Variants in ACOT11 observed in about 807,000 individuals in gnomAD.
ACOT11 encodes acyl-CoA thioesterase 11, also known as acyl-coenzyme A thioesterase 11.
ACOT11 carries 69 observed loss-of-function variants against 77.5 expected under a neutral mutation model. The observed-to-expected ratio is 0.89, with a 90% CI of 0.73 to 1.09. ACOT11 has a LOEUF of 1.09. Ranked by LOEUF, ACOT11 falls within the 50% of genes least tolerant of loss-of-function variation. The pLI is 0.00. For synonymous variants in ACOT11, 279 were observed against 313.0 expected (o/e 0.89, Z 1.15); for missense variants, 766 against 813.7 (o/e 0.94, Z 0.71).
In ACOT11 at chr1:54,635,532, A is replaced by G. The variant is rs575136391; in HGVS notation, c.*803A>G. On this transcript the variant is annotated 3_prime_UTR_variant, in exon 17 of 17. Coordinates refer to the ACOT11 transcript ENST00000371316. Reference sequence around the variant, plus strand: ...ACACTCTACAAACTTGTTTTTGGATATAGCAAAATTAAAAGAACAAATATG... The same window carrying G: ...ACACTCTACAAACTTGTTTTTGGATGTAGCAAAATTAAAAGAACAAATATG... The G allele has an allele frequency of 2.6e-5, 5 of 193,718 alleles. No individual in the cohort carries two copies. The South Asian group carries it at 4.2e-4, about 16-fold the overall frequency. 12.0% of individuals were successfully genotyped at this position (193,718 alleles called of 1,614,324 possible).
At chr1:54,554,810 G>A (rs1454626659) in intron 1 of ACOT11, among the ~76,000 whole-genome samples, 1 of 152,134 alleles carries the variant, frequency 6.6e-6, no homozygotes, top group African/African-American at 2.4e-5. Context: ...GGGACTGCTG[G>A]ATCATATGGT....
intron 3 of ACOT11, among the ~76,000 whole-genome samples, chr1:54,586,758 A>G (rs1654516528): frequency 6.6e-6 from 1 of 151,848 alleles, no homozygotes; most frequent in African/African-American, 2.4e-5. Context: ...CTTTCTTTTA[A>G]TGGCTGTACA....
chr1:54,553,867 C>A (rs1653157063), intron 1 of ACOT11, among the ~76,000 whole-genome samples: 1 of 152,062 alleles, frequency 6.6e-6, no homozygotes, highest in African/African-American at 2.4e-5. Context: ...CTGTGCCTGG[C>A]CCTTATTTCA....
In ACOT11 at chr1:54,557,947, A is replaced by G. The variant is rs369111729; in HGVS notation, c.33+9605A>G. ...TGGTAAAAGTGGGCATCTTTGTTTT[A>G]TCCCACATTTTAGATGAAAAGCTTT... is the stretch of plus-strand genomic sequence containing the variant. On this transcript the variant is annotated intron_variant, in intron 1 of 15. Coordinates refer to ENST00000343744, the MANE Select transcript of ACOT11 (RefSeq NM_147161.4). Among the ~76,000 whole-genome samples the G allele has an allele frequency of 2.2e-4, 34 of 152,276 alleles. No homozygotes were observed. The South Asian group carries it at 2.9e-3, about 13-fold the overall frequency.
At position 54,609,421 on chromosome 1, in the gene ACOT11, G is replaced by A; in HGVS notation, c.*309G>A. The A allele has an allele frequency of 1.2e-6, 2 of 1,613,952 alleles. No homozygotes were observed. The highest frequency in any genetic ancestry group is 1.7e-6 in the Non-Finnish European group (2 of 1,180,022). ...CTGGGTTGTGCTCCACTGTGACGGTGGCCCGGGGGGAGGATGCCAGCAGCC... is the reference window on the plus strand; with the variant it reads ...CTGGGTTGTGCTCCACTGTGACGGTAGCCCGGGGGGAGGATGCCAGCAGCC... On this transcript the variant is annotated 3_prime_UTR_variant, in exon 16 of 16. Coordinates refer to ENST00000343744, the MANE Select transcript of ACOT11 (RefSeq NM_147161.4).
intron 1 of ACOT11, among the ~76,000 whole-genome samples, chr1:54,562,064 G>C (rs1458283759): frequency 4.3e-4 from 29 of 67,388 alleles, no homozygotes; most frequent in Middle Eastern, 0.012. Flanking sequence ...CCTCCCTCCC[G>C]GACAGGGCGG....
chr1:54,595,278 G>A (rs895540433), intron 6 of ACOT11, among the ~76,000 whole-genome samples: 1 of 150,394 alleles, frequency 6.6e-6, no homozygotes, highest in Non-Finnish European at 1.5e-5. Context: ...CCTGGGAGGC[G>A]GAGATTGCAG....
At chr1:54,581,277 G>A (rs1368865081) in intron 1 of ACOT11, among the ~76,000 whole-genome samples, 1 of 152,212 alleles carries the variant, frequency 6.6e-6, no homozygotes, top group African/African-American at 2.4e-5. Context: ...TTGGATACTG[G>A]GCAGAGGGAG....
chr1:54,599,670 C>T (rs537702730), intron 8 of ACOT11: 21 of 247,388 alleles, frequency 8.5e-5, no homozygotes, highest in Non-Finnish European at 1.3e-4. Context: ...CCCTGTCTCC[C>T]GCTGTCTCAG....
rs1474648915 is a variant in ACOT11 at position 54,554,331 on chromosome 1, G to GTATATATATATA, written c.33+5990_33+5991insATATATATATAT. Among the ~76,000 whole-genome samples, 24 of 63,288 alleles carry GTATATATATATA rather than the reference G, an allele frequency of 3.8e-4. 1 individual carries two copies. The highest frequency in any genetic ancestry group is 7.5e-4 in the Admixed American group (5 of 6,658). The allele number at this position is 63,288 out of a possible 152,430, so 41.5% of individuals were successfully genotyped here. ...TGTGTGTGTGTGTGTGTGTGTGTGTGTGTATATATATATATATATATTTTT... is the reference window on the plus strand; with the variant it reads ...TGTGTGTGTGTGTGTGTGTGTGTGTGTATATATATATATGTATATATATATATATATATTTTT... On this transcript the variant is annotated intron_variant, in intron 1 of 15. Transcript: ENST00000343744.
At position 54,594,652 on chromosome 1, in the gene ACOT11, A is replaced by G. The variant is rs752180142; in HGVS notation, c.568A>G (p.Thr190Ala). 1 of 1,613,974 alleles carries G rather than the reference A, an allele frequency of 6.2e-7. No homozygotes were observed. Among genetic ancestry groups the G allele is most frequent in the South Asian group, 1.1e-5 (1 of 91,048 alleles). ...RRRMRLVYAD[T>A]IKDLLANCAI... ...GCGCATGCGCCTTGTCTATGCAGAC[A>G]CCATCAAGGACCTCCTGGCCAACTG... Residue 190 changes from threonine to alanine, a missense_variant, in exon 6 of 16, where the codon ACC becomes GCC. Coordinates refer to ENST00000343744, the MANE Select transcript of ACOT11 (RefSeq NM_147161.4).
chr1:54,598,840 CAAAA>C (rs898488192), intron 7 of ACOT11: 8 of 59,958 alleles, frequency 1.3e-4, no homozygotes, highest in African/African-American at 6.2e-5. Flanking sequence ...AACCCTGTCT[CAAAA>C]AAAAAAAAAA....
At chr1:54,604,279 T>C (rs1220960434) in intron 11 of ACOT11, 67 bp from the exon 12 acceptor site, 1 of 1,484,620 alleles carries the variant, frequency 6.7e-7, no homozygotes, top group Non-Finnish European at 9.4e-7. Context: ...TGGCACACCC[T>C]TGGCCTTGGC....
intron 1 of ACOT11, among the ~76,000 whole-genome samples, chr1:54,578,878 G>T (rs1212421894): frequency 6.6e-6 from 1 of 151,466 alleles, no homozygotes; most frequent in African/African-American, 2.4e-5. Flanking sequence ...TAATACGTAT[G>T]AGAACTGCTA....
rs1654104118 is a variant in ACOT11, at chr1:54,576,056, C to T, written c.34-8599C>T. ...GTGGGAGAGAACCTCAAATCCACCT[C>T]CCTGGGGAGTTTCTCAGACTGGGGT... is the stretch of plus-strand genomic sequence containing the variant. On this transcript the variant is annotated intron_variant, in intron 1 of 15. Coordinates refer to ENST00000343744, the MANE Select transcript of ACOT11 (RefSeq NM_147161.4). Among the ~76,000 whole-genome samples, 10 of 152,272 alleles carry T rather than the reference C, an allele frequency of 6.6e-5. No individual in the cohort carries two copies. In the South Asian group the frequency reaches 2.1e-3, roughly 32 times the overall value.
chr1:54,563,113 C>T (rs1653607612), intron 1 of ACOT11, among the ~76,000 whole-genome samples: 1 of 152,074 alleles, frequency 6.6e-6, no homozygotes, highest in Non-Finnish European at 1.5e-5. Context: ...CCGCTGCCTC[C>T]CGGGCGGCGC....
chr1:54,561,084 TTTTTTTA>T (rs200374823), intron 1 of ACOT11, among the ~76,000 whole-genome samples: 1,289 of 60,690 alleles, frequency 0.021, 20 homozygotes, highest in African/African-American at 0.066. Flanking sequence ...GATTTTTTAT[TTTTTTTA>T]TTTTTTTTTA....
chr1:54,563,061 C>G (rs961485506), intron 1 of ACOT11, among the ~76,000 whole-genome samples: 6 of 151,414 alleles, frequency 4.0e-5, no homozygotes, highest in Admixed American at 6.6e-5. Flanking sequence ...CAGGCGGCTG[C>G]TCCTTGCCCT....
chr1:54,603,999 T>C, intron 11 of ACOT11, 62 bp downstream of exon 11: 1 of 1,495,738 alleles, frequency 6.7e-7, no homozygotes. Flanking sequence ...CCTTCCCTGC[T>C]TGTCAGAACG....
Sources: gnomAD v4.1 joint callset for allele counts (sites outside exome capture counted in the v4.1 genomes callset) on GRCh38, gnomAD v4.1.1 for gene constraint, MANE v1.5 for transcripts, NCBI Gene and HGNC (gene_info 2026-07-23, HGNC 2026-07-21) for gene names.